MAPK4: variants seen among roughly 807,000 people sequenced by gnomAD.
The protein encoded by MAPK4 is Erk3-related.
In MAPK4, 22 loss-of-function variants were observed where a neutral mutation model predicts 47.7. The ratio of observed to expected loss-of-function variants is 0.46; its 90% CI spans 0.33 to 0.66. The LOEUF (loss-of-function observed/expected upper bound fraction) is 0.66, where lower values mean the gene tolerates loss of function less well. Among genes scored for constraint, MAPK4 ranks in the 30% least tolerant of loss-of-function variants. The pLI, the probability that MAPK4 is intolerant of heterozygous loss-of-function variation, is 0.02. For missense variants in MAPK4, 736 were observed against 831.7 expected (o/e 0.88, Z 1.42); for synonymous variants, 390 against 365.7 (o/e 1.07, Z -0.76).
rs373924987 is a variant in MAPK4, at chr18:50,723,571, G to C, written c.853+1472G>C. ...GGGGATTTAAGTTTGATAAAAGGAA[G>C]TATTTTCTGGGGCAGGTGTGGTGGC... On this transcript the variant is annotated intron_variant, in intron 4 of 5. Coordinates refer to ENST00000400384, the MANE Select transcript of MAPK4 (RefSeq NM_002747.4). Among the ~76,000 whole-genome samples, 21 of 152,278 alleles carry C rather than the reference G, an allele frequency of 1.4e-4. 1 individual carries two copies. Among genetic ancestry groups the C allele is most frequent in the African/African-American group, 5.1e-4 (21 of 41,560 alleles).
chr18:50,572,203 T>C (rs2042255604), intron 1 of MAPK4, among the ~76,000 whole-genome samples: 1 of 152,204 alleles, frequency 6.6e-6, no homozygotes, highest in Non-Finnish European at 1.5e-5. Context: ...CAGTGAAATA[T>C]GCTCCATCAA....
At chr18:50,662,305 G>T (rs1279001008) in intron 1 of MAPK4, among the ~76,000 whole-genome samples, 1 of 152,134 alleles carries the variant, frequency 6.6e-6, no homozygotes, top group Non-Finnish European at 1.5e-5. Context: ...AGTTTTGCAG[G>T]GTTTTTCCTC....
rs755853041 is a variant in MAPK4 at position 50,664,204 on chromosome 18, G to C, written c.246G>C (p.Glu82Asp). 1 of 1,614,062 alleles carries C rather than the reference G, an allele frequency of 6.2e-7. No individual in the cohort carries two copies. The highest frequency in any genetic ancestry group is 1.7e-5 in the Admixed American group (1 of 60,018). The change falls in exon 2 of 6, where the codon GAG (glutamate) becomes GAC (aspartate). Residue 82 changes from glutamate (E) to aspartate (D), a missense_variant. Coordinates refer to ENST00000400384, the MANE Select transcript of MAPK4 (RefSeq NM_002747.4). The surrounding 1 kb of genome is among the most constrained non-coding windows in gnomAD (Gnocchi z 6.0). The stretch of plus-strand genomic sequence containing the variant: ...ACGACAACATCGTCAAAGTGTACGA[G>C]GTGCTCGGTCCCAAGGGCACTGACC... ...LDHDNIVKVYEVLGPKGTDLQ... is the reference protein window; with the variant it reads ...LDHDNIVKVYDVLGPKGTDLQ...
chr18:50,608,875 C>T (rs1045006286), intron 1 of MAPK4, among the ~76,000 whole-genome samples: 13 of 152,014 alleles, frequency 8.6e-5, no homozygotes. Flanking sequence ...TGTGGCCTTC[C>T]GCAGTGTTTG....
Position 50,597,227 on chromosome 18 carries a change from C to A in MAPK4, c.-871+36984C>A, listed in dbSNP as rs145171717. Among the ~76,000 whole-genome samples, 463 of 152,320 alleles carry A rather than the reference C, an allele frequency of 3.0e-3. 1 individual carries two copies. Among genetic ancestry groups the A allele is most frequent in the African/African-American group, 0.01 (428 of 41,574 alleles). ...TTTCTTTACTAACCTTTACTAAGCACTTTGTACATGTCACAAACCCACAGG... is the reference window on the plus strand; with the variant it reads ...TTTCTTTACTAACCTTTACTAAGCAATTTGTACATGTCACAAACCCACAGG... On this transcript the variant is annotated intron_variant, in intron 1 of 5. Coordinates refer to ENST00000400384, the MANE Select transcript of MAPK4 (RefSeq NM_002747.4).
At chr18:50,571,487 A>G (rs1402135678) in intron 1 of MAPK4, among the ~76,000 whole-genome samples, 2 of 152,238 alleles carry the variant, frequency 1.3e-5, no homozygotes, top group African/African-American at 2.4e-5. Context: ...CCTACCAGCC[A>G]TAAGAATTTA....
chr18:50,648,077 C>T (rs1184047368), intron 1 of MAPK4, among the ~76,000 whole-genome samples: 1 of 150,712 alleles, frequency 6.6e-6, no homozygotes, highest in Non-Finnish European at 1.5e-5. Context: ...TTGGGATTCC[C>T]AGTATGATGG....
intron 1 of MAPK4, among the ~76,000 whole-genome samples, chr18:50,616,968 C>G (rs2042690309): frequency 6.6e-6 from 1 of 152,210 alleles, no homozygotes; most frequent in Non-Finnish European, 1.5e-5. Context: ...TTAACCATCA[C>G]AAGGCTTAAC....
intron 1 of MAPK4, among the ~76,000 whole-genome samples, chr18:50,612,490 C>T (rs2042647713): frequency 6.6e-6 from 1 of 152,138 alleles, no homozygotes; most frequent in Non-Finnish European, 1.5e-5. Flanking sequence ...GATAATTAAA[C>T]AGGACTTGTG....
At chr18:50,659,663 A>G (rs1048467297) in intron 1 of MAPK4, among the ~76,000 whole-genome samples, 3 of 152,210 alleles carry the variant, frequency 2.0e-5, no homozygotes, top group Admixed American at 6.5e-5. Flanking sequence ...CTGAAACTCC[A>G]TTGTTCAGAG....
intron 2 of MAPK4, among the ~76,000 whole-genome samples, chr18:50,710,320 A>G (rs1910281592): frequency 6.6e-6 from 1 of 151,912 alleles, no homozygotes; most frequent in Non-Finnish European, 1.5e-5. Context: ...CTGTCTCTAC[A>G]AAAAATACAA....
chr18:50,674,914 G>T (rs1908172596), intron 2 of MAPK4, among the ~76,000 whole-genome samples: 1 of 152,114 alleles, frequency 6.6e-6, no homozygotes, highest in South Asian at 2.1e-4. Flanking sequence ...AATAAGCATG[G>T]TCTTCAAGCA....
chr18:50,580,787 C>T (rs118126597), intron 1 of MAPK4, among the ~76,000 whole-genome samples: 1 of 152,146 alleles, frequency 6.6e-6, no homozygotes, highest in Non-Finnish European at 1.5e-5. Context: ...GTGTGAGTCT[C>T]GCCTCCTCCG....
chr18:50,583,822 T>C (rs2042366963), intron 1 of MAPK4, among the ~76,000 whole-genome samples: 1 of 152,208 alleles, frequency 6.6e-6, no homozygotes, highest in Admixed American at 6.5e-5. Flanking sequence ...TCAGAATTTC[T>C]GGATCTCTGG....
intron 1 of MAPK4, among the ~76,000 whole-genome samples, chr18:50,649,862 T>C (rs2043029889): frequency 6.6e-6 from 1 of 152,212 alleles, no homozygotes; most frequent in Non-Finnish European, 1.5e-5. Flanking sequence ...CTGCTGGTTC[T>C]TGAGAACTCA....
intron 3 of MAPK4, among the ~76,000 whole-genome samples, chr18:50,720,217 TC>T (rs1221346556): frequency 6.6e-6 from 1 of 152,064 alleles, no homozygotes; most frequent in Non-Finnish European, 1.5e-5. Context: ...AGGACATAAA[TC>T]CCCAAGGTGG....
At chr18:50,665,093 G>A (rs1446481444) in intron 2 of MAPK4, among the ~76,000 whole-genome samples, 2 of 152,238 alleles carry the variant, frequency 1.3e-5, no homozygotes, top group Non-Finnish European at 1.5e-5. Flanking sequence ...TTGCTTCTCA[G>A]TGTGATGTGA....
chr18:50,599,455 G>A (rs1275585015), intron 1 of MAPK4, among the ~76,000 whole-genome samples: 1 of 152,144 alleles, frequency 6.6e-6, no homozygotes, highest in Non-Finnish European at 1.5e-5. Flanking sequence ...GAGTCCCGCT[G>A]TCGCCCAGGT....
At chr18:50,640,130 A>G (rs1014469115) in intron 1 of MAPK4, among the ~76,000 whole-genome samples, 3 of 152,254 alleles carry the variant, frequency 2.0e-5, no homozygotes, top group African/African-American at 7.2e-5. Context: ...TTATATAGAC[A>G]GACAGGAGCA....
Sources: allele counts gnomAD v4.1 joint callset (sites outside exome capture counted in the v4.1 genomes callset), GRCh38; gene constraint gnomAD v4.1.1; non-coding constraint Gnocchi (gnomAD v3.1); transcripts MANE v1.5; gene names NCBI Gene and HGNC (gene_info 2026-07-23, HGNC 2026-07-21).